Variants in ITPR2 observed in about 807,000 individuals in gnomAD.
ITPR2 encodes inositol 1,4,5-trisphosphate-gated calcium channel ITPR2.
Under a neutral mutation model 317.1 loss-of-function variants are expected in ITPR2, and 207 were observed. That is an observed-to-expected ratio of 0.65 (90% CI 0.58 to 0.73). ITPR2 has a LOEUF of 0.73. ITPR2 is among the 30% of genes least tolerant of loss of function. ITPR2 has a pLI of 0.00. For synonymous variants in ITPR2, 1,156 were observed against 1,149.1 expected, an observed-to-expected ratio of 1.01 and a Z score of -0.12; for missense variants, 2,613 against 3,284.0, an observed-to-expected ratio of 0.80 and a Z score of 4.99.
At chr12:26,625,877 T>C (rs1266773318) in intron 23 of ITPR2, among the ~76,000 whole-genome samples, 2 of 152,188 alleles carry the variant, frequency 1.3e-5, no homozygotes, top group Middle Eastern at 3.2e-3. Context: ...CATTTTTTTT[T>C]CTACGTGAAC....
chr12:26,439,853 T>A (rs1941443617), intron 46 of ITPR2, among the ~76,000 whole-genome samples: 1 of 152,186 alleles, frequency 6.6e-6, no homozygotes, highest in Non-Finnish European at 1.5e-5. Context: ...AGCTACAACA[T>A]CCATGTAAAC....
At chr12:26,519,584 A>T (rs552161239) in intron 37 of ITPR2, among the ~76,000 whole-genome samples, 2 of 152,366 alleles carry the variant, frequency 1.3e-5, no homozygotes, top group Non-Finnish European at 2.9e-5. Flanking sequence ...TATTAAAGGC[A>T]TTCTCAATAA....
intron 1 of ITPR2, among the ~76,000 whole-genome samples, chr12:26,830,114 G>C (rs1268517490): frequency 1.3e-5 from 2 of 152,196 alleles, no homozygotes; most frequent in Non-Finnish European, 2.9e-5. Context: ...ATGTTGGCCA[G>C]GCTGGTCTCA....
At chr12:26,796,707 A>C (rs1950451257) in intron 1 of ITPR2, among the ~76,000 whole-genome samples, 1 of 152,188 alleles carries the variant, frequency 6.6e-6, no homozygotes, top group Non-Finnish European at 1.5e-5. Context: ...AAAAAAACAA[A>C]ATTTTCATTA....
intron 34 of ITPR2, among the ~76,000 whole-genome samples, chr12:26,563,653 C>T (rs950602779): frequency 6.6e-6 from 1 of 152,186 alleles, no homozygotes; most frequent in Non-Finnish European, 1.5e-5. Context: ...GCCCTCCTTA[C>T]TTAACATTTA....
intron 32 of ITPR2, among the ~76,000 whole-genome samples, chr12:26,592,953 T>C (rs937929906): frequency 2.6e-5 from 4 of 152,356 alleles, no homozygotes; most frequent in Admixed American, 6.5e-5. Context: ...AAGAATTTTA[T>C]ACACATTATC....
At chr12:26,454,652 T>A (rs1003899180) in intron 45 of ITPR2, among the ~76,000 whole-genome samples, 1 of 152,146 alleles carries the variant, frequency 6.6e-6, no homozygotes, top group African/African-American at 2.4e-5. Flanking sequence ...GAAAGTCATC[T>A]TTTTGAGATG....
Position 26,604,648 on chromosome 12 carries a change from T to G in ITPR2, c.3463-1942A>C, listed in dbSNP as rs193158865. Among the ~76,000 whole-genome samples, 14 of 152,306 alleles carry G rather than the reference T, an allele frequency of 9.2e-5. No individual in the cohort carries two copies. The East Asian group carries it at 2.5e-3, about 27-fold the overall frequency. On this transcript the variant is annotated intron_variant, in intron 26 of 56. Coordinates refer to ENST00000381340, the MANE Select transcript of ITPR2 (RefSeq NM_002223.4). ...AAAACACTGAAAGCCTTCAAAACAT[T>G]ACTAAGTTAGACTCCAGAGCTATAT...
At chr12:26,492,538 C>G (rs1211529634) in intron 39 of ITPR2, among the ~76,000 whole-genome samples, 2 of 151,612 alleles carry the variant, frequency 1.3e-5, no homozygotes, top group Non-Finnish European at 2.9e-5. Flanking sequence ...TGGACACTTT[C>G]TCTAGAAAGT....
At chr12:26,427,359 A>G (rs552126276) in intron 49 of ITPR2, among the ~76,000 whole-genome samples, 1 of 152,264 alleles carries the variant, frequency 6.6e-6, no homozygotes, top group South Asian at 2.1e-4. Context: ...TTTTTGAAAT[A>G]CTACTACTCT....
At position 26,538,399 on chromosome 12, in the gene ITPR2, T is replaced by C. The variant is rs140418828; in HGVS notation, c.5073+11848A>G. On this transcript the variant is annotated intron_variant, in intron 37 of 56. Coordinates refer to ENST00000381340, the MANE Select transcript of ITPR2 (RefSeq NM_002223.4). ...AGGTTGCTAGAACTAGCAAAGGAAA[T>C]AAGTCTGAAAGAAGTGGCTTGAAAA... 4.6e-5 allele frequency among the ~76,000 whole-genome samples: 7 copies of C among 151,114 alleles called. 1 individual carries two copies. In the East Asian group the frequency reaches 1.4e-3, roughly 29 times the overall value.
chr12:26,561,615 A>G (rs1944820602), intron 35 of ITPR2, 147 bp downstream of exon 35: 3 of 580,782 alleles, frequency 5.2e-6, no homozygotes, highest in African/African-American at 4.0e-5. Context: ...ATATGTTTAA[A>G]AAGAGCAGTG....
intron 2 of ITPR2, among the ~76,000 whole-genome samples, chr12:26,777,948 A>T (rs1950005646): frequency 6.6e-6 from 1 of 152,216 alleles, no homozygotes; most frequent in African/African-American, 2.4e-5. Flanking sequence ...CTGAGCTGAC[A>T]TTGATTCCAG....
intron 54 of ITPR2, among the ~76,000 whole-genome samples, chr12:26,398,316 G>A (rs748564080): frequency 7.2e-5 from 11 of 152,060 alleles, no homozygotes; most frequent in Non-Finnish European, 1.3e-4. Flanking sequence ...CCAGCTACTA[G>A]GGAGGCTGAG....
intron 54 of ITPR2, among the ~76,000 whole-genome samples, chr12:26,391,556 C>CTTTTTTTTTTTT (rs1555117374): frequency 1.0e-5 from 1 of 98,596 alleles, no homozygotes; most frequent in African/African-American, 4.3e-5. Flanking sequence ...TCTTCTTTTC[C>CTTTTTTTTTTTT]TTTTTTTTTT....
intron 49 of ITPR2, among the ~76,000 whole-genome samples, chr12:26,425,348 A>T (rs939958716): frequency 6.6e-6 from 1 of 152,168 alleles, no homozygotes; most frequent in Non-Finnish European, 1.5e-5. Context: ...GTTTGTCCCA[A>T]ATTAAAGTTG....
chr12:26,486,045 T>A (rs1182032945), intron 41 of ITPR2, 59 bp downstream of exon 41: 2 of 1,572,520 alleles, frequency 1.3e-6, no homozygotes, highest in African/African-American at 2.7e-5. Flanking sequence ...TTTATTTGAA[T>A]TTAATTACTG....
Position 26,475,301 on chromosome 12 carries a change from GGGCCAGAATATAGATATTGT to G in ITPR2, c.6317_6336del (p.His2106ProfsTer8). On this transcript the variant is annotated frameshift_variant, in exon 45 of 57. Coordinates refer to ENST00000381340, the MANE Select transcript of ITPR2 (RefSeq NM_002223.4). LOFTEE classifies it high-confidence loss of function. ...AAAGATATAAAATGTGACACCTGAT[GGGCCAGAATATAGATATTGT>G]GTCCAACATCTTTTGGAGAAACACC... 1.2e-6 allele frequency: 2 copies of G among 1,613,784 alleles called. No individual in the cohort carries two copies. Among genetic ancestry groups the G allele is most frequent in the Non-Finnish European group, 1.7e-6 (2 of 1,179,892 alleles).
Position 26,563,336 on chromosome 12 carries a change from C to T in ITPR2, c.4631-1384G>A, listed in dbSNP as rs796747556. 2.6e-5 allele frequency among the ~76,000 whole-genome samples: 4 copies of T among 152,146 alleles called. No individual in the cohort carries two copies. In the South Asian group the frequency reaches 8.3e-4, roughly 32 times the overall value. ...CCTGTAATCCCAGCACTTTGGGAGG[C>T]CGAGGCAGGCGGATCACAAGGTCAG... is the stretch of plus-strand genomic sequence containing the variant. On this transcript the variant is annotated intron_variant, in intron 34 of 56. Coordinates refer to ENST00000381340, the MANE Select transcript of ITPR2 (RefSeq NM_002223.4).
Sources: allele counts gnomAD v4.1 joint callset (sites outside exome capture counted in the v4.1 genomes callset), GRCh38; gene constraint gnomAD v4.1.1; transcripts MANE v1.5; gene names NCBI Gene and HGNC (gene_info 2026-07-23, HGNC 2026-07-21).